Variants in GLYR1 observed in about 807,000 individuals in gnomAD.
GLYR1 encodes the protein glyoxylate reductase 1 homolog, also known as cytokine-like nuclear factor N-PAC.
In GLYR1, 21 loss-of-function variants were observed where a neutral mutation model predicts 72.7. That is an observed-to-expected ratio of 0.29 (90% CI 0.20 to 0.42). GLYR1 has a LOEUF of 0.42. Ranked by LOEUF, GLYR1 falls within the 10% of genes least tolerant of loss-of-function variation. The pLI is 1.00. For synonymous variants in GLYR1, 392 were observed against 270.2 expected, an observed-to-expected ratio of 1.45 and a Z score of -4.42; for missense variants, 594 against 712.1, an observed-to-expected ratio of 0.83 and a Z score of 1.89.
intron 9 of GLYR1, among the ~76,000 whole-genome samples, chr16:4,819,480 T>C (rs1006131105): frequency 6.6e-6 from 1 of 152,194 alleles, no homozygotes; most frequent in East Asian, 1.9e-4. Flanking sequence ...GGCTAAGTTT[T>C]AAAATTTTTT....
Position 4,821,457 on chromosome 16 carries a change from C to G in GLYR1, c.733-4G>C, listed in dbSNP as rs376402598. On this transcript the variant is annotated splice_polypyrimidine_tract_variant and splice_region_variant and intron_variant, in intron 8 of 15. Coordinates refer to ENST00000321919, the MANE Select transcript of GLYR1 (RefSeq NM_032569.4). The stretch of plus-strand genomic sequence containing the variant: ...GGATGGAGGTGGAGCCAGTTTCCTA[C>G]GGACAGGAAGCACACATCATCAAGT... 3 of 1,614,078 alleles carry G rather than the reference C, an allele frequency of 1.9e-6. No individual in the cohort carries two copies.
At chr16:4,827,761 G>A (rs1228809873) in intron 5 of GLYR1, among the ~76,000 whole-genome samples, 2 of 151,960 alleles carry the variant, frequency 1.3e-5, no homozygotes, top group Non-Finnish European at 2.9e-5. Flanking sequence ...TTAGCCGGGC[G>A]TGGTGGCGGG....
At chr16:4,807,823 T>C (rs957153454) in intron 15 of GLYR1, among the ~76,000 whole-genome samples, 3 of 152,198 alleles carry the variant, frequency 2.0e-5, no homozygotes, top group Non-Finnish European at 4.4e-5. Flanking sequence ...CGAATTCTAC[T>C]ATCCAGAGAG....
At chr16:4,811,875 C>A in intron 13 of GLYR1, 73 bp from the exon 14 acceptor site, 2 of 1,514,522 alleles carry the variant, frequency 1.3e-6, no homozygotes, top group Non-Finnish European at 8.9e-7. Flanking sequence ...ACCCTCACCT[C>A]TGCTCAGACC....
intron 5 of GLYR1, among the ~76,000 whole-genome samples, chr16:4,827,857 G>T (rs182448460): frequency 6.6e-6 from 1 of 151,694 alleles, no homozygotes; most frequent in Non-Finnish European, 1.5e-5. Flanking sequence ...CCGAGATTGC[G>T]CCACTGCACC....
At chr16:4,823,475 C>T (rs570007584) in intron 6 of GLYR1, among the ~76,000 whole-genome samples, 1 of 151,912 alleles carries the variant, frequency 6.6e-6, no homozygotes, top group South Asian at 2.1e-4. Flanking sequence ...TATTTATGGA[C>T]AATAAGAGGG....
At chr16:4,823,016 G>C in intron 6 of GLYR1, 85 bp from the exon 7 acceptor site, 2 of 1,061,578 alleles carry the variant, frequency 1.9e-6, no homozygotes, top group Non-Finnish European at 3.0e-6. Flanking sequence ...CTCTCCTCTG[G>C]CTGCAACACC....
chr16:4,842,343 C>G (rs1005089870), intron 3 of GLYR1, among the ~76,000 whole-genome samples: 7 of 151,912 alleles, frequency 4.6e-5, no homozygotes, highest in African/African-American at 1.7e-4. Context: ...TGAGCTCTCC[C>G]TCTTCTAGAA....
In GLYR1 at chr16:4,812,017, G is replaced by A. The variant is rs949492466; in HGVS notation, c.1282+69C>T. ...GGCAGAAAGGCCGTGTGGGACTGAC[G>A]CTGTCATCAGTGTGAAACAGAGGAG... is the stretch of plus-strand genomic sequence containing the variant. On this transcript the variant is annotated intron_variant, in intron 13 of 15. Coordinates refer to ENST00000321919, the MANE Select transcript of GLYR1 (RefSeq NM_032569.4). 5.8e-6 allele frequency: 9 copies of A among 1,546,384 alleles called. No individual in the cohort carries two copies. In the African/African-American group the frequency reaches 1.1e-4, roughly 19 times the overall value.
At position 4,804,487 on chromosome 16, in the gene GLYR1, C is replaced by G. The variant is rs770807339; in HGVS notation, c.*749G>C. On this transcript the variant is annotated 3_prime_UTR_variant, in exon 16 of 16. Transcript: ENST00000321919. The stretch of plus-strand genomic sequence containing the variant: ...TGTGGCAGTGGCATCTGGGGCATGG[C>G]TTCGAGGCGGTGAGGGCCGGGCCTC... The G allele has an allele frequency of 6.5e-6, 1 of 152,984 alleles. No individual in the cohort carries two copies. The highest frequency in any genetic ancestry group is 1.5e-5 in the Non-Finnish European group (1 of 68,328). 9.5% of individuals were successfully genotyped at this position (152,984 alleles called of 1,614,324 possible). A position where few individuals can be genotyped will look rare whatever the true frequency, so the allele number is the denominator to read the frequency against.
chr16:4,822,550 C>T (rs531681530), intron 7 of GLYR1, among the ~76,000 whole-genome samples: 70 of 152,240 alleles, frequency 4.6e-4, no homozygotes, highest in Non-Finnish European at 8.1e-4. Context: ...GCCACCATGC[C>T]CAGCTAATTT....
At chr16:4,826,093 G>A (rs1197573708) in intron 5 of GLYR1, among the ~76,000 whole-genome samples, 1 of 152,010 alleles carries the variant, frequency 6.6e-6, no homozygotes, top group Non-Finnish European at 1.5e-5. Flanking sequence ...TGTCACCCAG[G>A]CTGGAGTGCA....
chr16:4,832,789 G>A lies in GLYR1; in HGVS notation c.279C>T (p.Ala93=), dbSNP rs371393418. Residue 93 remains alanine (A), a synonymous_variant, in exon 4 of 16, where the codon GCC becomes GCT. Coordinates refer to ENST00000321919, the MANE Select transcript of GLYR1 (RefSeq NM_032569.4). ...VDAVEEFLRR[A]KGKDQTSSHN... ...TGTCTCTCACCTGGTCTTTCCCTTT[G>A]GCTCTCCTGAGGAACTCTTCGACAG... is the stretch of plus-strand genomic sequence containing the variant. 3 of 1,609,392 alleles carry A rather than the reference G, an allele frequency of 1.9e-6. No homozygotes were observed. Among genetic ancestry groups the A allele is most frequent in the South Asian group, 2.2e-5 (2 of 89,860 alleles).
In GLYR1 at chr16:4,820,281, G is replaced by A. The variant is rs2061213; in HGVS notation, c.806+1099C>T. Among the ~76,000 whole-genome samples, 423 of 152,312 alleles carry A rather than the reference G, an allele frequency of 2.8e-3. 1 individual carries two copies. Among genetic ancestry groups the A allele is most frequent in the Non-Finnish European group, 4.2e-3 (283 of 68,026 alleles). Reference sequence around the variant, plus strand: ...TGGGATAACAGCCATGAGCCACCATGCCCAGGTCAAGGTTCTGGATTTTTA... The same window carrying A: ...TGGGATAACAGCCATGAGCCACCATACCCAGGTCAAGGTTCTGGATTTTTA... On this transcript the variant is annotated intron_variant, in intron 9 of 15. Transcript: ENST00000321919.
intron 5 of GLYR1, among the ~76,000 whole-genome samples, chr16:4,827,851 G>C (rs1274688962): frequency 6.6e-6 from 1 of 151,836 alleles, no homozygotes; most frequent in Non-Finnish European, 1.5e-5. Flanking sequence ...AGTGAGCCGA[G>C]ATTGCGCCAC....
intron 1 of GLYR1, chr16:4,846,672 G>A (rs182916022): frequency 9.5e-5 from 23 of 242,294 alleles, no homozygotes; most frequent in Middle Eastern, 1.7e-3. Context: ...GAAGCAGACC[G>A]CGGGAGGCAC....
At chr16:4,821,729 C>A in intron 7 of GLYR1, 132 bp from the exon 8 acceptor site, 1 of 775,432 alleles carries the variant, frequency 1.3e-6, no homozygotes, top group Non-Finnish European at 2.2e-6. Flanking sequence ...TAGTGAACTC[C>A]AAATTTTACA....
chr16:4,815,857 C>T (rs1336906382), intron 10 of GLYR1, among the ~76,000 whole-genome samples: 3 of 152,134 alleles, frequency 2.0e-5, no homozygotes, highest in African/African-American at 4.8e-5. Flanking sequence ...TCTCAGCTCA[C>T]TGCAAGCTCT....
chr16:4,839,570 C>T (rs563073151), intron 3 of GLYR1: 2 of 152,232 alleles, frequency 1.3e-5, no homozygotes, highest in South Asian at 2.1e-4. Flanking sequence ...CATGAAAATA[C>T]AAAAATTACG....
Sources: allele counts gnomAD v4.1 joint callset (sites outside exome capture counted in the v4.1 genomes callset), GRCh38; gene constraint gnomAD v4.1.1; transcripts MANE v1.5; gene names NCBI Gene and HGNC (gene_info 2026-07-23, HGNC 2026-07-21).